ANGPT1: variants seen among roughly 807,000 people sequenced by gnomAD.
ANGPT1 encodes the protein angiopoietin 1.
In ANGPT1, 17 loss-of-function variants were observed where a neutral mutation model predicts 62.2. The ratio of observed to expected loss-of-function variants is 0.27; its 90% CI spans 0.19 to 0.41. The LOEUF (loss-of-function observed/expected upper bound fraction) is 0.41. Among genes scored for constraint, ANGPT1 ranks in the 10% least tolerant of loss-of-function variants. The probability of loss-of-function intolerance (pLI) is 1.00; values close to 1 mark genes in which losing one functional copy is unlikely to be tolerated. For missense variants in ANGPT1, 478 were observed against 594.9 expected, an observed-to-expected ratio of 0.80 and a Z score of 2.04; for synonymous variants, 199 against 198.9, an observed-to-expected ratio of 1.00 and a Z score of 0.00.
intron 1 of ANGPT1, among the ~76,000 whole-genome samples, chr8:107,451,930 T>C (rs1016629675): frequency 3.3e-5 from 5 of 151,972 alleles, no homozygotes; most frequent in Non-Finnish European, 7.4e-5. Context: ...TTTCACCATG[T>C]TGATCTTTGT....
In ANGPT1 at chr8:107,328,927, T is replaced by C. The variant is rs537581309; in HGVS notation, c.576-6799A>G. On this transcript the variant is annotated intron_variant, in intron 3 of 8. Transcript: ENST00000517746. ...ATATATCTATTAACATAAATAATAC[T>C]TATAATAGGTTATAAATTATAGTGC... is the stretch of plus-strand genomic sequence containing the variant. Among the ~76,000 whole-genome samples the C allele has an allele frequency of 9.2e-5, 14 of 152,052 alleles. No individual in the cohort carries two copies. In the East Asian group the frequency reaches 2.7e-3, roughly 29 times the overall value.
At chr8:107,364,566 C>A (rs1816234094) in intron 1 of ANGPT1, among the ~76,000 whole-genome samples, 1 of 152,160 alleles carries the variant, frequency 6.6e-6, no homozygotes, top group African/African-American at 2.4e-5. Flanking sequence ...CAGGCGTGAG[C>A]CACTGTGCCC....
At chr8:107,259,571 A>G (rs1813446455) in intron 8 of ANGPT1, among the ~76,000 whole-genome samples, 1 of 152,160 alleles carries the variant, frequency 6.6e-6, no homozygotes, top group Non-Finnish European at 1.5e-5. Context: ...TTCTACAGAA[A>G]GTTAGGTCAC....
intron 3 of ANGPT1, among the ~76,000 whole-genome samples, chr8:107,334,710 A>C (rs1326772837): frequency 6.6e-6 from 1 of 152,228 alleles, no homozygotes; most frequent in Non-Finnish European, 1.5e-5. Flanking sequence ...TTTGGTGACA[A>C]AATTAAACCA....
intron 1 of ANGPT1, among the ~76,000 whole-genome samples, chr8:107,467,282 T>TTAAG (rs1259716783): frequency 6.6e-6 from 1 of 151,750 alleles, no homozygotes; most frequent in Non-Finnish European, 1.5e-5. Context: ...GGTACAACTA[T>TTAAG]TAAGTACCTA....
intron 3 of ANGPT1, among the ~76,000 whole-genome samples, chr8:107,331,301 T>A (rs1430408874): frequency 6.6e-6 from 1 of 152,210 alleles, no homozygotes; most frequent in African/African-American, 2.4e-5. Flanking sequence ...AGAAGATAGA[T>A]GAGCATGTCA....
At chr8:107,313,426 G>C (rs1245477488) in intron 4 of ANGPT1, among the ~76,000 whole-genome samples, 1 of 57,890 alleles carries the variant, frequency 1.7e-5, no homozygotes, top group Non-Finnish European at 3.3e-5. Flanking sequence ...AATGTTACTA[G>C]TTGTTTTTTT....
At chr8:107,457,765 A>G (rs1237689421) in intron 1 of ANGPT1, among the ~76,000 whole-genome samples, 1 of 151,002 alleles carries the variant, frequency 6.6e-6, no homozygotes, top group Non-Finnish European at 1.5e-5. Flanking sequence ...ACCACTCACT[A>G]TGCCTCCCAA....
intron 1 of ANGPT1, among the ~76,000 whole-genome samples, chr8:107,427,189 A>G (rs953127275): frequency 1.3e-5 from 2 of 152,272 alleles, no homozygotes; most frequent in Admixed American, 6.5e-5. Flanking sequence ...AGCTTGCATT[A>G]GTTAATAATA....
intron 7 of ANGPT1, among the ~76,000 whole-genome samples, chr8:107,283,721 T>C (rs916194693): frequency 2.6e-5 from 4 of 152,144 alleles, no homozygotes; most frequent in Non-Finnish European, 5.9e-5. Context: ...AGTCACAATA[T>C]TGAGAGTTAA....
At chr8:107,339,051 C>A (rs564089793) in intron 2 of ANGPT1, among the ~76,000 whole-genome samples, 47 of 152,260 alleles carry the variant, frequency 3.1e-4, no homozygotes, top group African/African-American at 1.1e-3. Flanking sequence ...TTTTAATTTC[C>A]AAAAGACAGT....
At chr8:107,415,001 C>T (rs1233420089) in intron 1 of ANGPT1, among the ~76,000 whole-genome samples, 1 of 152,138 alleles carries the variant, frequency 6.6e-6, no homozygotes, top group African/African-American at 2.4e-5. Context: ...CTAAAATACA[C>T]TTCTTGCTGG....
At chr8:107,350,358 G>A (rs1265774382) in intron 1 of ANGPT1, among the ~76,000 whole-genome samples, 1 of 152,016 alleles carries the variant, frequency 6.6e-6, no homozygotes, top group Non-Finnish European at 1.5e-5. Flanking sequence ...AATTTCTTAT[G>A]CAGTTGGTTA....
chr8:107,321,393 G>C (rs746223383), intron 4 of ANGPT1, among the ~76,000 whole-genome samples: 1 of 152,024 alleles, frequency 6.6e-6, no homozygotes, highest in Non-Finnish European at 1.5e-5. Context: ...CAATAATCCT[G>C]CCTCACTCAT....
chr8:107,487,950 T>A (rs1812856587), intron 1 of ANGPT1, among the ~76,000 whole-genome samples: 1 of 152,192 alleles, frequency 6.6e-6, no homozygotes, highest in Admixed American at 6.5e-5. Flanking sequence ...AAGTGAATAG[T>A]ATCCTTTACA....
intron 5 of ANGPT1, among the ~76,000 whole-genome samples, chr8:107,301,849 G>A (rs528775853): frequency 3.3e-5 from 5 of 151,914 alleles, no homozygotes; most frequent in Non-Finnish European, 7.4e-5. Flanking sequence ...GAAATCAAGA[G>A]AGACAGAGGA....
intron 1 of ANGPT1, among the ~76,000 whole-genome samples, chr8:107,400,895 T>G (rs1476158661): frequency 1.3e-5 from 2 of 151,778 alleles, no homozygotes; most frequent in East Asian, 3.9e-4. Context: ...AATGTAAAGA[T>G]TTACACTAGA....
At chr8:107,344,440 T>C (rs1419862056) in intron 2 of ANGPT1, among the ~76,000 whole-genome samples, 1 of 152,228 alleles carries the variant, frequency 6.6e-6, no homozygotes, top group Non-Finnish European at 1.5e-5. Context: ...TGGTGGTTTC[T>C]GATTCTTGCC....
intron 8 of ANGPT1, among the ~76,000 whole-genome samples, chr8:107,259,136 C>G (rs1172546882): frequency 1.3e-5 from 2 of 152,114 alleles, no homozygotes; most frequent in African/African-American, 2.4e-5. Context: ...TTTCTATAGT[C>G]AATCTTACAT....
Sources: gnomAD v4.1 joint callset for allele counts (sites outside exome capture counted in the v4.1 genomes callset) on GRCh38, gnomAD v4.1.1 for gene constraint, MANE v1.5 for transcripts, NCBI Gene and HGNC (gene_info 2026-07-23, HGNC 2026-07-21) for gene names.